Variants in EPHA3 observed in about 807,000 individuals in gnomAD.
The protein encoded by EPHA3 is ephrin type-A receptor 3.
Under a neutral mutation model 107.1 loss-of-function variants are expected in EPHA3, and 42 were observed. That is an observed-to-expected ratio of 0.39 (90% CI 0.31 to 0.51). EPHA3 has a LOEUF of 0.51. Ranked by LOEUF, EPHA3 falls within the 20% of genes least tolerant of loss-of-function variation. The pLI is 0.78. For missense variants in EPHA3, 1,183 were observed against 1,211.2 expected (o/e 0.98, Z 0.35); for synonymous variants, 461 against 424.8 (o/e 1.09, Z -1.05).
At chr3:89,420,798 G>A (rs1001965416) in intron 11 of EPHA3, among the ~76,000 whole-genome samples, 1 of 151,240 alleles carries the variant, frequency 6.6e-6, no homozygotes, top group African/African-American at 2.4e-5. Context: ...TGAGCCTCCT[G>A]GGAAGAGAAA....
intron 9 of EPHA3, 89 bp from the exon 10 acceptor site, chr3:89,413,052 T>A: frequency 6.4e-7 from 1 of 1,561,690 alleles, no homozygotes; most frequent in South Asian, 1.2e-5. Context: ...GGTAGGGATT[T>A]TTTTAAACCA....
chr3:89,266,218 A>T (rs1007919623), intron 3 of EPHA3, among the ~76,000 whole-genome samples: 1 of 152,162 alleles, frequency 6.6e-6, no homozygotes, highest in African/African-American at 2.4e-5. Context: ...CATTTTATAG[A>T]TAAAGAAACT....
At chr3:89,226,840 G>A (rs1441458614) in intron 3 of EPHA3, among the ~76,000 whole-genome samples, 5 of 152,008 alleles carry the variant, frequency 3.3e-5, no homozygotes, top group Admixed American at 6.6e-5. Flanking sequence ...ATGTCATGAC[G>A]TTTGAAGCTT....
chr3:89,139,877 C>T (rs1026668809), intron 2 of EPHA3, among the ~76,000 whole-genome samples: 2 of 151,644 alleles, frequency 1.3e-5, no homozygotes, highest in African/African-American at 4.8e-5. Flanking sequence ...TCAGATTATA[C>T]TTTATAGAAT....
At chr3:89,337,001 C>T (rs28675360) in intron 3 of EPHA3, among the ~76,000 whole-genome samples, 69,708 of 150,856 alleles carry the variant, frequency 0.46, 16,379 homozygotes, top group African/African-American at 0.52. Context: ...AGTGAGCTGT[C>T]ATCATGCCTC....
intron 2 of EPHA3, among the ~76,000 whole-genome samples, chr3:89,186,275 C>A (rs943556395): frequency 6.6e-6 from 1 of 151,890 alleles, no homozygotes; most frequent in Non-Finnish European, 1.5e-5. Context: ...CACCTAACAC[C>A]CTTTACCTTG....
intron 5 of EPHA3, among the ~76,000 whole-genome samples, chr3:89,373,377 G>A (rs1164484554): frequency 1.3e-5 from 2 of 151,748 alleles, no homozygotes; most frequent in African/African-American, 4.8e-5. Flanking sequence ...TCTTATTTAT[G>A]TAGGCTTTAT....
intron 15 of EPHA3, among the ~76,000 whole-genome samples, chr3:89,454,001 G>A (rs1710049167): frequency 6.6e-6 from 1 of 151,910 alleles, no homozygotes; most frequent in South Asian, 2.1e-4. Context: ...TAGGATCATT[G>A]CCACAAACAG....
At chr3:89,219,997 C>T (rs1421660237) in intron 3 of EPHA3, among the ~76,000 whole-genome samples, 1 of 151,856 alleles carries the variant, frequency 6.6e-6, no homozygotes, top group Non-Finnish European at 1.5e-5. Flanking sequence ...CGTGAGCCAC[C>T]GGGCAATGTT....
intron 3 of EPHA3, among the ~76,000 whole-genome samples, chr3:89,295,721 G>C (rs1706332996): frequency 6.6e-6 from 1 of 152,040 alleles, no homozygotes; most frequent in Admixed American, 6.6e-5. Flanking sequence ...CTGTCAAGTA[G>C]CTGGGATTGT....
rs1576387321 is a variant in EPHA3, at chr3:89,454,575, T to C, written c.2690+4205T>C. ...TTTGATTGCTTTCAAACTCCAAACA[T>C]TTTTTTTGCACAGCCTCCAGAATCT... On this transcript the variant is annotated intron_variant, in intron 15 of 16. Coordinates refer to ENST00000336596, the MANE Select transcript of EPHA3 (RefSeq NM_005233.6). Among the ~76,000 whole-genome samples, 4 of 151,880 alleles carry C rather than the reference T, an allele frequency of 2.6e-5. No individual in the cohort carries two copies. In the South Asian group the frequency reaches 8.3e-4, roughly 32 times the overall value.
At chr3:89,180,494 A>G (rs1251691233) in intron 2 of EPHA3, among the ~76,000 whole-genome samples, 1 of 152,026 alleles carries the variant, frequency 6.6e-6, no homozygotes, top group African/African-American at 2.4e-5. Context: ...CAGCATTATG[A>G]TGCATTGGGT....
chr3:89,116,651 A>G (rs1323430011), intron 1 of EPHA3, among the ~76,000 whole-genome samples: 1 of 151,670 alleles, frequency 6.6e-6, no homozygotes, highest in East Asian at 1.9e-4. Context: ...CAAAAATAGC[A>G]TATTGATGAC....
At chr3:89,238,665 A>G (rs1455263253) in intron 3 of EPHA3, among the ~76,000 whole-genome samples, 1 of 152,226 alleles carries the variant, frequency 6.6e-6, no homozygotes, top group African/African-American at 2.4e-5. Flanking sequence ...TTCGGGAAAC[A>G]CTGTTGCCCA....
chr3:89,113,702 C>G (rs1355457509), intron 1 of EPHA3, among the ~76,000 whole-genome samples: 1 of 150,960 alleles, frequency 6.6e-6, no homozygotes, highest in Admixed American at 6.6e-5. Context: ...TTTATTAAAT[C>G]CCTAAAAACC....
chr3:89,190,646 A>G (rs1705692699), intron 2 of EPHA3, among the ~76,000 whole-genome samples: 2 of 152,144 alleles, frequency 1.3e-5, no homozygotes. Context: ...TGTAGTTTTT[A>G]TAAATATAAC....
chr3:89,182,603 A>G (rs1255873827), intron 2 of EPHA3, among the ~76,000 whole-genome samples: 1 of 151,966 alleles, frequency 6.6e-6, no homozygotes, highest in Non-Finnish European at 1.5e-5. Context: ...ATAAATTTTG[A>G]GCAGAGAAAG....
At chr3:89,230,855 CA>C (rs1559611196) in intron 3 of EPHA3, among the ~76,000 whole-genome samples, 11 of 148,658 alleles carry the variant, frequency 7.4e-5, no homozygotes, top group African/African-American at 2.0e-4. Flanking sequence ...CACACACACA[CA>C]CCTTTGCTTT....
chr3:89,113,225 A>G (rs1055823374), intron 1 of EPHA3, among the ~76,000 whole-genome samples: 1 of 152,114 alleles, frequency 6.6e-6, no homozygotes, highest in African/African-American at 2.4e-5. Context: ...CTCTTCTGTA[A>G]CAACTTTAGA....
Sources: gnomAD v4.1 joint callset for allele counts (sites outside exome capture counted in the v4.1 genomes callset) on GRCh38, gnomAD v4.1.1 for gene constraint, MANE v1.5 for transcripts, NCBI Gene and HGNC (gene_info 2026-07-23, HGNC 2026-07-21) for gene names.